NREP: variants seen among roughly 807,000 people sequenced by gnomAD.
NREP encodes neuronal regeneration-related protein.
Under a neutral mutation model 8.6 loss-of-function variants are expected in NREP, and 5 were observed. The observed-to-expected ratio is 0.58, with a 90% CI of 0.30 to 1.22. The LOEUF (loss-of-function observed/expected upper bound fraction) is 1.22. Among genes scored for constraint, NREP ranks in the 50% most tolerant of loss-of-function variants. The probability of loss-of-function intolerance (pLI) is 0.07; values close to 1 mark genes in which losing one functional copy is unlikely to be tolerated. For synonymous variants in NREP, 27 were observed against 28.0 expected (o/e 0.96, Z 0.11); for missense variants, 86 against 82.5 (o/e 1.04, Z -0.17).
intron 2 of NREP, among the ~76,000 whole-genome samples, chr5:111,917,650 A>G (rs904585615): frequency 1.3e-5 from 2 of 152,226 alleles, no homozygotes; most frequent in Non-Finnish European, 1.5e-5. Flanking sequence ...CTTCGATAAA[A>G]TCCAGCACTC....
intron 2 of NREP, among the ~76,000 whole-genome samples, chr5:111,769,444 G>T (rs538901559): frequency 2.0e-5 from 3 of 152,184 alleles, no homozygotes; most frequent in Non-Finnish European, 4.4e-5. Context: ...AGAATGCCTG[G>T]GGGGAGGGTG....
chr5:111,882,663 G>A (rs1754116873), intron 2 of NREP, among the ~76,000 whole-genome samples: 2 of 152,194 alleles, frequency 1.3e-5, no homozygotes, highest in African/African-American at 2.4e-5. Context: ...AGAAAAGAGT[G>A]GGGGCCAATA....
intron 2 of NREP, among the ~76,000 whole-genome samples, chr5:111,956,049 T>C (rs1476192778): frequency 6.6e-6 from 1 of 152,082 alleles, no homozygotes; most frequent in East Asian, 1.9e-4. Context: ...TTACCCTCTC[T>C]AAATCCAAAA....
At chr5:111,951,194 G>A (rs891447947) in intron 2 of NREP, among the ~76,000 whole-genome samples, 2 of 151,974 alleles carry the variant, frequency 1.3e-5, no homozygotes, top group African/African-American at 4.8e-5. Flanking sequence ...ATAGTGCTAT[G>A]GAGGGCTTCT....
At chr5:111,960,731 G>T (rs753488700) in intron 2 of NREP, among the ~76,000 whole-genome samples, 2 of 152,150 alleles carry the variant, frequency 1.3e-5, no homozygotes, top group Non-Finnish European at 2.9e-5. Context: ...ACTTAACTCT[G>T]ACTCATTCTC....
intron 2 of NREP, among the ~76,000 whole-genome samples, chr5:111,777,355 AGT>A (rs57727316): frequency 0.11 from 15,665 of 148,560 alleles, 1,309 homozygotes; most frequent in African/African-American, 0.23. Flanking sequence ...TGTGTGTGTG[AGT>A]GTGTGTGTGT....
intron 2 of NREP, among the ~76,000 whole-genome samples, chr5:111,836,113 A>C (rs182994600): frequency 6.6e-6 from 1 of 152,106 alleles, no homozygotes; most frequent in Non-Finnish European, 1.5e-5. Flanking sequence ...AAGCACAGGA[A>C]TGTAATGATG....
chr5:111,757,121 A>G lies in NREP; in HGVS notation c.-59+15T>C. 1 of 809,242 alleles carries G rather than the reference A, an allele frequency of 1.2e-6. No homozygotes were observed. Among genetic ancestry groups the G allele is most frequent in the Non-Finnish European group, 1.5e-6 (1 of 669,690 alleles). 50.1% of individuals were successfully genotyped at this position (809,242 alleles called of 1,614,324 possible). A position where few individuals can be genotyped will look rare whatever the true frequency, so the allele number is the denominator to read the frequency against. On this transcript the variant is annotated intron_variant, in intron 1 of 3. Transcript: ENST00000257435. ...CCAGCGCTCCCAGCCGGGGATAGGAATGGCATATACTTACAGACAAAAGCC... is the reference window on the plus strand; with the variant it reads ...CCAGCGCTCCCAGCCGGGGATAGGAGTGGCATATACTTACAGACAAAAGCC...
chr5:111,798,804 A>C (rs1429030793), intron 2 of NREP, among the ~76,000 whole-genome samples: 1 of 148,470 alleles, frequency 6.7e-6, no homozygotes, highest in Non-Finnish European at 1.5e-5. Context: ...TATATATCAC[A>C]GTTTCTTTAT....
At chr5:111,928,772 C>A (rs900236540) in intron 2 of NREP, among the ~76,000 whole-genome samples, 1 of 152,030 alleles carries the variant, frequency 6.6e-6, no homozygotes, top group Non-Finnish European at 1.5e-5. Flanking sequence ...GAAGAGAGAG[C>A]CCATAGACCA....
At chr5:111,933,107 A>G (rs1755588807) in intron 2 of NREP, among the ~76,000 whole-genome samples, 1 of 152,096 alleles carries the variant, frequency 6.6e-6, no homozygotes, top group Admixed American at 6.6e-5. Context: ...TTAAAATCAA[A>G]CCACGTTAAA....
chr5:111,819,437 T>G (rs934874499), intron 2 of NREP, among the ~76,000 whole-genome samples: 4 of 152,196 alleles, frequency 2.6e-5, no homozygotes, highest in African/African-American at 7.2e-5. Context: ...GTTCCCGCCA[T>G]TACTCCATCT....
At chr5:111,817,361 G>A (rs1752407088) in intron 2 of NREP, among the ~76,000 whole-genome samples, 1 of 152,112 alleles carries the variant, frequency 6.6e-6, no homozygotes, top group Non-Finnish European at 1.5e-5. Flanking sequence ...ATACCAGTGG[G>A]AAAGCTTAAA....
intron 2 of NREP, among the ~76,000 whole-genome samples, chr5:111,971,387 A>C (rs556704157): frequency 2.0e-5 from 3 of 152,300 alleles, no homozygotes; most frequent in African/African-American, 7.2e-5. Context: ...TTGAGTAGCC[A>C]GTCAATCTGT....
chr5:111,729,413 A>AT lies in NREP; in HGVS notation c.*1507dup, dbSNP rs1474866197. 6.6e-6 allele frequency: 1 copy of AT among 152,404 alleles called. No homozygotes were observed. The highest frequency in any genetic ancestry group is 1.5e-5 in the Non-Finnish European group (1 of 68,036). The allele number at this position is 152,404 out of a possible 1,614,324, so 9.4% of individuals were successfully genotyped here. On this transcript the variant is annotated 3_prime_UTR_variant, in exon 4 of 4. Transcript: ENST00000257435. ...AGATCACACTGTTACAAAAGCCTGC[A>AT]TTTTCAGCAGTACACAACTGCAACT... is the stretch of plus-strand genomic sequence containing the variant.
chr5:111,808,133 C>T (rs949438992), intron 2 of NREP, among the ~76,000 whole-genome samples: 8 of 152,196 alleles, frequency 5.3e-5, no homozygotes, highest in Non-Finnish European at 1.0e-4. Flanking sequence ...CTTTAAGCAG[C>T]TAACTTGTAC....
chr5:111,879,258 C>A (rs1011041482), intron 2 of NREP, among the ~76,000 whole-genome samples: 1 of 152,128 alleles, frequency 6.6e-6, no homozygotes, highest in Non-Finnish European at 1.5e-5. Flanking sequence ...GAGCCAAACA[C>A]ATCTAGTTTT....
chr5:111,891,785 G>A (rs571432719), intron 2 of NREP, among the ~76,000 whole-genome samples: 6 of 152,114 alleles, frequency 3.9e-5, no homozygotes, highest in Non-Finnish European at 8.8e-5. Flanking sequence ...CAGATCTAGC[G>A]AGAACTCACT....
intron 2 of NREP, among the ~76,000 whole-genome samples, chr5:111,858,667 A>T (rs1221835938): frequency 6.6e-6 from 1 of 152,138 alleles, no homozygotes. Flanking sequence ...TTTGGGAGCT[A>T]GTAGGGGCTT....
Sources: allele counts gnomAD v4.1 joint callset (sites outside exome capture counted in the v4.1 genomes callset), GRCh38; gene constraint gnomAD v4.1.1; transcripts MANE v1.5; gene names NCBI Gene and HGNC (gene_info 2026-07-23, HGNC 2026-07-21).